Variants in MAN2A1 observed in about 807,000 individuals in gnomAD.
The protein encoded by MAN2A1 is mannosidase alpha class 2A member 1, also known as alpha-mannosidase 2.
A neutral mutation model predicts 142.6 loss-of-function variants in MAN2A1; 76 were observed. The observed-to-expected ratio is 0.53, with a 90% CI of 0.44 to 0.65. MAN2A1 has a LOEUF of 0.65. Ranked by LOEUF, MAN2A1 falls within the 30% of genes least tolerant of loss-of-function variation. The probability of loss-of-function intolerance (pLI) is 0.00; values close to 1 mark genes in which losing one functional copy is unlikely to be tolerated. For missense variants in MAN2A1, 1,311 were observed against 1,365.1 expected, an observed-to-expected ratio of 0.96 and a Z score of 0.62; for synonymous variants, 559 against 473.2, an observed-to-expected ratio of 1.18 and a Z score of -2.35.
intron 5 of MAN2A1, among the ~76,000 whole-genome samples, chr5:109,764,128 T>G (rs1201904246): frequency 6.6e-6 from 1 of 152,136 alleles, no homozygotes; most frequent in Non-Finnish European, 1.5e-5. Flanking sequence ...GCTTTTAAAG[T>G]TGTCTTTTGA....
Position 109,770,937 on chromosome 5 carries a change from A to C in MAN2A1, c.1196+396A>C, listed in dbSNP as rs538248189. On this transcript the variant is annotated intron_variant, in intron 7 of 21. Transcript: ENST00000261483. ...AAAAACACATTTATTGAAATGGAGC[A>C]CATAAAGAGTGTAATTATCTGTTCC... Among the ~76,000 whole-genome samples, 456 of 152,358 alleles carry C rather than the reference A, an allele frequency of 3.0e-3. 4 individuals are homozygous for C. Among genetic ancestry groups the C allele is most frequent in the African/African-American group, 0.01 (432 of 41,586 alleles).
At chr5:109,789,200 C>A in intron 11 of MAN2A1, 152 bp downstream of exon 11, 1 of 536,718 alleles carries the variant, frequency 1.9e-6, no homozygotes, top group Non-Finnish European at 3.3e-6. Context: ...TATAAATTAC[C>A]TGTATGTTCA....
intron 1 of MAN2A1, among the ~76,000 whole-genome samples, chr5:109,691,927 A>T (rs1221499491): frequency 6.6e-6 from 1 of 152,182 alleles, no homozygotes; most frequent in Non-Finnish European, 1.5e-5. Flanking sequence ...GCTTAGCTTG[A>T]TATGTTGTGT....
chr5:109,787,535 C>T (rs894697763), intron 10 of MAN2A1, among the ~76,000 whole-genome samples: 2 of 152,014 alleles, frequency 1.3e-5, no homozygotes, highest in Non-Finnish European at 2.9e-5. Flanking sequence ...AGCAAAGCAG[C>T]TCTATACATC....
At chr5:109,854,154 C>A (rs1450934627) in intron 19 of MAN2A1, 2 of 152,122 alleles carry the variant, frequency 1.3e-5, no homozygotes, top group African/African-American at 2.4e-5. Flanking sequence ...ATGGAGTAAT[C>A]ATTTTAAGAA....
chr5:109,818,609 T>A (rs1051177467), intron 13 of MAN2A1, among the ~76,000 whole-genome samples: 2 of 152,186 alleles, frequency 1.3e-5, no homozygotes, highest in Non-Finnish European at 2.9e-5. Context: ...ATTTATATTA[T>A]GTTTATCATT....
rs1331485578 is a variant in MAN2A1 at position 109,866,887 on chromosome 5, T to C, written c.3324T>C (p.Ser1108=). The C allele has an allele frequency of 6.2e-7, 1 of 1,611,206 alleles. No homozygotes were observed. Among genetic ancestry groups the C allele is most frequent in the Non-Finnish European group, 8.5e-7 (1 of 1,178,276 alleles). The change falls in exon 22 of 22, where the codon AGT becomes AGC. Residue 1108 remains serine (S), a synonymous_variant. Coordinates refer to ENST00000261483, the MANE Select transcript of MAN2A1 (RefSeq NM_002372.4). ...TTTTAAACAAGTTTATTGTCGAAAGTCTCACACCTTCATCACTATCCTTGA... is the reference window on the plus strand; with the variant it reads ...TTTTAAACAAGTTTATTGTCGAAAGCCTCACACCTTCATCACTATCCTTGA... ...QKLLNKFIVE[S]LTPSSLSLMH... is the part of the protein sequence containing the mutation.
chr5:109,745,314 A>G (rs1752371563), intron 4 of MAN2A1, among the ~76,000 whole-genome samples: 1 of 152,218 alleles, frequency 6.6e-6, no homozygotes, highest in Non-Finnish European at 1.5e-5. Context: ...ATATAATACA[A>G]TACAGTAAAC....
intron 20 of MAN2A1, among the ~76,000 whole-genome samples, chr5:109,856,380 A>G (rs1211753121): frequency 6.6e-6 from 1 of 152,190 alleles, no homozygotes; most frequent in East Asian, 1.9e-4. Flanking sequence ...AATCCTCTAG[A>G]GACAAGACAA....
At chr5:109,791,217 G>A (rs1466806750) in intron 12 of MAN2A1, among the ~76,000 whole-genome samples, 1 of 151,738 alleles carries the variant, frequency 6.6e-6, no homozygotes. Context: ...ATTTCTGTAG[G>A]TTGGTAAATT....
intron 5 of MAN2A1, among the ~76,000 whole-genome samples, chr5:109,761,416 A>G (rs1752840631): frequency 6.6e-6 from 1 of 151,848 alleles, no homozygotes; most frequent in Non-Finnish European, 1.5e-5. Context: ...AGTATTTTTC[A>G]CTTAACAGTG....
intron 12 of MAN2A1, among the ~76,000 whole-genome samples, chr5:109,793,915 A>G (rs1357536436): frequency 1.3e-5 from 2 of 152,168 alleles, no homozygotes; most frequent in Non-Finnish European, 2.9e-5. Context: ...GTTATTGTAA[A>G]CAATTCTTCT....
At chr5:109,849,327 A>G (rs954727697) in intron 19 of MAN2A1, among the ~76,000 whole-genome samples, 3 of 152,126 alleles carry the variant, frequency 2.0e-5, no homozygotes, top group Non-Finnish European at 4.4e-5. Context: ...TGATTTATCT[A>G]TCTAATTGCT....
At chr5:109,805,018 T>C (rs1406940982) in intron 12 of MAN2A1, among the ~76,000 whole-genome samples, 1 of 152,224 alleles carries the variant, frequency 6.6e-6, no homozygotes, top group Non-Finnish European at 1.5e-5. Context: ...TCATTCCTTA[T>C]GCAGTCACCC....
At position 109,817,241 on chromosome 5, in the gene MAN2A1, A is replaced by T. The variant is rs745515334; in HGVS notation, c.1944-32A>T. ...ATATGTAAGAAGTAAAAATATTTTG[A>T]GATCCCAATAATGAAGCAGCTGTTT... On this transcript the variant is annotated intron_variant, in intron 12 of 21. Transcript: ENST00000261483. The T allele has an allele frequency of 5.6e-6, 9 of 1,598,742 alleles. No individual in the cohort carries two copies. The African/African-American group carries it at 8.1e-5, about 14-fold the overall frequency.
At chr5:109,825,023 A>G (rs1055482050) in intron 16 of MAN2A1, among the ~76,000 whole-genome samples, 8 of 152,208 alleles carry the variant, frequency 5.3e-5, no homozygotes, top group African/African-American at 1.9e-4. Flanking sequence ...AATGCTAGAC[A>G]CTAATTTTGT....
chr5:109,784,820 C>T lies in MAN2A1; in HGVS notation c.1654C>T (p.Leu552Phe). 2 of 1,612,666 alleles carry T rather than the reference C, an allele frequency of 1.2e-6. No homozygotes were observed. The highest frequency in any genetic ancestry group is 1.7e-6 in the Non-Finnish European group (2 of 1,179,374). The part of the protein sequence containing the change: ...YKINKFLSSS[L>F]YTALTEARRN... ...GATAAATAAATTTCTCTCATCATCA[C>T]TTTACACGGCACTGACAGAAGCCAG... Residue 552 changes from leucine to phenylalanine, a missense_variant, in exon 10 of 22, where the codon CTT becomes TTT. By Grantham distance (22) the Leu-to-Phe change is conservative. This residue lies in a region of MAN2A1 where 890 missense variants were observed against 920.5 expected (regional missense o/e 0.97). Transcript: ENST00000261483.
At chr5:109,703,531 A>C (rs73217324) in intron 1 of MAN2A1, among the ~76,000 whole-genome samples, 3,661 of 152,326 alleles carry the variant, frequency 0.024, 132 homozygotes, top group African/African-American at 0.084. Context: ...CTGTTGACAG[A>C]TTCTGTCAGA....
chr5:109,758,968 C>T (rs1374980048), intron 5 of MAN2A1, among the ~76,000 whole-genome samples: 1 of 151,846 alleles, frequency 6.6e-6, no homozygotes, highest in Non-Finnish European at 1.5e-5. Context: ...ATGCCAGTAC[C>T]GTACTGTCTT....
Sources: gnomAD v4.1 joint callset for allele counts (sites outside exome capture counted in the v4.1 genomes callset) on GRCh38, gnomAD v4.1.1 for gene constraint, gnomAD v4.1.1 regional missense constraint, MANE v1.5 for transcripts, NCBI Gene and HGNC (gene_info 2026-07-23, HGNC 2026-07-21) for gene names.